Variants in PIGN observed in about 807,000 individuals in gnomAD.
The protein encoded by PIGN is GPI ethanolamine phosphate transferase 1.
Under a neutral mutation model 125.4 loss-of-function variants are expected in PIGN, and 117 were observed. That is an observed-to-expected ratio of 0.93 (90% CI 0.80 to 1.09). The LOEUF (loss-of-function observed/expected upper bound fraction) is 1.09. Among genes scored for constraint, PIGN ranks in the 50% least tolerant of loss-of-function variants. PIGN has a pLI of 0.00. For synonymous variants in PIGN, 392 were observed against 377.8 expected (o/e 1.04, Z -0.44); for missense variants, 1,075 against 1,094.9 (o/e 0.98, Z 0.26).
chr18:62,079,025 C>T (rs2033319095), intron 28 of PIGN, among the ~76,000 whole-genome samples: 1 of 152,148 alleles, frequency 6.6e-6, no homozygotes, highest in African/African-American at 2.4e-5. Context: ...CTGCCCCTGC[C>T]AACCTGTTCA....
At chr18:62,086,049 G>C (rs898780990) in intron 25 of PIGN, among the ~76,000 whole-genome samples, 1 of 152,172 alleles carries the variant, frequency 6.6e-6, no homozygotes, top group Admixed American at 6.5e-5. Context: ...GTGATTCAAC[G>C]AATCATCTAA....
In PIGN at chr18:62,157,134, G is replaced by A. The variant is rs2036765374; in HGVS notation, c.437C>T (p.Ala146Val). 2.5e-6 allele frequency: 4 copies of A among 1,574,128 alleles called. No homozygotes were observed. Among genetic ancestry groups the A allele is most frequent in the Non-Finnish European group, 3.5e-6 (4 of 1,147,828 alleles). The change falls in exon 6 of 31, where the codon GCC (alanine) becomes GTC (valine). Residue 146 changes from alanine to valine, a missense_variant. This residue lies in a region of PIGN where 8 missense variants were observed against 23.3 expected (regional missense o/e 0.34). Transcript: ENST00000640252. ...WGSPDILPMF[A>V]KGASGDHVYT... ...ACATAATCAGTGACTCTTACCTTTG[G>A]CAAACATAGGCAGGATATCTGGGCT...
rs1196816528 is a variant in PIGN, at chr18:62,186,958, T to C, written c.-350A>G. 1 of 152,312 alleles carries C rather than the reference T, an allele frequency of 6.6e-6. No homozygotes were observed. The highest frequency in any genetic ancestry group is 1.9e-4 in the East Asian group (1 of 5,184). 9.4% of individuals were successfully genotyped at this position (152,312 alleles called of 1,614,324 possible). On this transcript the variant is annotated 5_prime_UTR_variant, in exon 1 of 31. Coordinates refer to ENST00000640252, the MANE Select transcript of PIGN (RefSeq NM_176787.5). ...TGGTCCCCTCTACCCACTGAAGCGA[T>C]AGCCGGGAGGGTATTCCTAAGCCAC...
chr18:62,029,719 C>A lies in PIGN; in HGVS notation c.2143-11978G>T, dbSNP rs552958680. On this transcript the variant is annotated intron_variant, in intron 23 of 24. Transcript: ENST00000639600. The stretch of plus-strand genomic sequence containing the variant: ...AGGAATAGGAACAGAGAGAGCAGAA[C>A]AGAACTCTTAGCAGGAGAAGATACT... 5.3e-5 allele frequency among the ~76,000 whole-genome samples: 8 copies of A among 152,278 alleles called. No individual in the cohort carries two copies. The East Asian group carries it at 1.5e-3, about 29-fold the overall frequency.
chr18:62,053,274 C>A (rs553360110), intron 30 of PIGN, among the ~76,000 whole-genome samples: 1 of 152,062 alleles, frequency 6.6e-6, no homozygotes. Flanking sequence ...ATATATAATA[C>A]CTACAGCAAC....
At chr18:62,075,005 T>C (rs541937513) in intron 28 of PIGN, 184 bp from the exon 29 acceptor site, 26 of 471,814 alleles carry the variant, frequency 5.5e-5, no homozygotes, top group African/African-American at 2.7e-4. Flanking sequence ...TGAGCTGGAC[T>C]GTAAAATGTG....
At chr18:62,157,106 G>A (rs1484718382) in intron 6 of PIGN, 23 bp downstream of exon 6, 21 of 1,267,948 alleles carry the variant, frequency 1.7e-5, no homozygotes, top group Non-Finnish European at 2.2e-5. Flanking sequence ...ACTATCTGAG[G>A]AAACATAATC....
chr18:62,117,576 A>G (rs2035135471), intron 14 of PIGN, among the ~76,000 whole-genome samples: 1 of 152,096 alleles, frequency 6.6e-6, no homozygotes, highest in Non-Finnish European at 1.5e-5. Flanking sequence ...TAAATATGGT[A>G]AAATGTTAAC....
chr18:62,132,602 G>A (rs1389737864), intron 14 of PIGN, among the ~76,000 whole-genome samples: 2 of 151,952 alleles, frequency 1.3e-5, no homozygotes, highest in Non-Finnish European at 2.9e-5. Flanking sequence ...AGCACTTTGG[G>A]AGGCCAAGGC....
At chr18:62,122,617 T>C (rs1352746842) in intron 14 of PIGN, among the ~76,000 whole-genome samples, 2 of 152,150 alleles carry the variant, frequency 1.3e-5, no homozygotes, top group South Asian at 2.1e-4. Flanking sequence ...TAATTTAATA[T>C]GGTGAAGAGA....
chr18:62,129,128 C>T lies in PIGN; in HGVS notation c.1172+9115G>A, dbSNP rs182984621. Among the ~76,000 whole-genome samples, 39 of 152,208 alleles carry T rather than the reference C, an allele frequency of 2.6e-4. 4 individuals carry two copies. The highest frequency in any genetic ancestry group is 2.5e-3 in the South Asian group (12 of 4,814). On this transcript the variant is annotated intron_variant, in intron 14 of 30. Transcript: ENST00000640252. ...GCTGAGGGCTGCTCACACCAGCTCC[C>T]GAGAGCAGATGGTGTACAACTCTTC...
chr18:62,077,212 T>C (rs1363901979), intron 28 of PIGN, among the ~76,000 whole-genome samples: 1 of 152,114 alleles, frequency 6.6e-6, no homozygotes, highest in Admixed American at 6.5e-5. Context: ...AACCCGGCTC[T>C]ACTAAAAATA....
At chr18:62,116,645 T>G (rs913444067) in intron 14 of PIGN, among the ~76,000 whole-genome samples, 1 of 152,208 alleles carries the variant, frequency 6.6e-6, no homozygotes, top group African/African-American at 2.4e-5. Context: ...TTATTTCTCT[T>G]CAATTAAATT....
intron 23 of PIGN, among the ~76,000 whole-genome samples, chr18:62,019,816 T>C (rs1328891608): frequency 6.6e-6 from 1 of 152,206 alleles, no homozygotes; most frequent in Non-Finnish European, 1.5e-5. Context: ...TTTTCAGACA[T>C]TGGGTAAAAG....
chr18:62,081,635 C>T (rs1039481326), intron 28 of PIGN, among the ~76,000 whole-genome samples: 2 of 152,034 alleles, frequency 1.3e-5, no homozygotes, highest in Non-Finnish European at 1.5e-5. Context: ...TCCACATGTC[C>T]CCAGCTCTTC....
At chr18:62,120,029 A>C (rs1280411754) in intron 14 of PIGN, among the ~76,000 whole-genome samples, 7 of 152,196 alleles carry the variant, frequency 4.6e-5, no homozygotes, top group Non-Finnish European at 7.3e-5. Flanking sequence ...ATATGGCAGA[A>C]GCAATATCTG....
chr18:62,026,450 G>A (rs190398460), intron 23 of PIGN, among the ~76,000 whole-genome samples: 1 of 152,220 alleles, frequency 6.6e-6, no homozygotes, highest in African/African-American at 2.4e-5. Flanking sequence ...ATTTCATTCT[G>A]TATTTGATTA....
At chr18:62,039,559 T>G (rs2030311305), downstream of PIGN, among the ~76,000 whole-genome samples, 1 of 84,778 alleles carries the variant, frequency 1.2e-5, no homozygotes, top group Admixed American at 1.5e-4. Context: ...CCATCCAGGG[T>G]GCCGCACCCC....
intron 11 of PIGN, among the ~76,000 whole-genome samples, chr18:62,141,142 G>A (rs2036120676): frequency 6.6e-6 from 1 of 152,096 alleles, no homozygotes; most frequent in African/African-American, 2.4e-5. Flanking sequence ...AATTGACTAT[G>A]TTTATGTAAG....
Sources: gnomAD v4.1 joint callset for allele counts (sites outside exome capture counted in the v4.1 genomes callset) on GRCh38, gnomAD v4.1.1 for gene constraint, gnomAD v4.1.1 regional missense constraint, MANE v1.5 for transcripts, NCBI Gene and HGNC (gene_info 2026-07-23, HGNC 2026-07-21) for gene names.